PIGG: variants seen among roughly 807,000 people sequenced by gnomAD.
The protein encoded by PIGG is phosphatidylinositol glycan anchor biosynthesis class G (EMM blood group).
A neutral mutation model predicts 83.2 loss-of-function variants in PIGG; 70 were observed. That is an observed-to-expected ratio of 0.84 (90% confidence interval 0.69 to 1.03). The LOEUF is 1.03. Among genes scored for constraint, PIGG ranks in the 50% least tolerant of loss-of-function variants. The pLI, the probability that PIGG is intolerant of heterozygous loss-of-function variation, is 0.00. For missense variants in PIGG, 1,257 were observed against 1,233.6 expected, an observed-to-expected ratio of 1.02 and a Z score of -0.28; for synonymous variants, 532 against 519.5, an observed-to-expected ratio of 1.02 and a Z score of -0.33.
intron 5 of PIGG, among the ~76,000 whole-genome samples, chr4:512,368 C>A (rs760664633): frequency 6.6e-6 from 1 of 151,412 alleles, no homozygotes; most frequent in Non-Finnish European, 1.5e-5. Context: ...TACAGGCACC[C>A]ACCACCACCG....
intron 4 of PIGG, 107 bp from the exon 5 acceptor site, chr4:508,722 A>C: frequency 3.2e-6 from 3 of 943,840 alleles, no homozygotes; most frequent in Non-Finnish European, 4.9e-6. Flanking sequence ...TCATTGAGAA[A>C]GAGCTACAAC....
At chr4:503,575 C>G (rs1718527880) in intron 2 of PIGG, among the ~76,000 whole-genome samples, 1 of 152,190 alleles carries the variant, frequency 6.6e-6, no homozygotes, top group Non-Finnish European at 1.5e-5. Context: ...ACCTCCACAA[C>G]TTTTCAACCT....
At chr4:500,708 T>C (rs880001713) in intron 2 of PIGG, 107 bp downstream of exon 2, 2 of 724,032 alleles carry the variant, frequency 2.8e-6, no homozygotes, top group African/African-American at 1.8e-5. Context: ...AAAGTGGAAA[T>C]TTTGTGCTGT....
intron 2 of PIGG, chr4:501,135 T>G: frequency 2.2e-6 from 1 of 456,280 alleles, no homozygotes; most frequent in Non-Finnish European, 4.4e-6. Flanking sequence ...TTGAAGTACA[T>G]AGTGCATTTC....
chr4:523,748 A>G lies in PIGG; in HGVS notation c.1904A>G (p.Lys635Arg). 1.2e-6 allele frequency: 2 copies of G among 1,614,090 alleles called. No homozygotes were observed. Among genetic ancestry groups the G allele is most frequent in the Non-Finnish European group, 1.7e-6 (2 of 1,180,036 alleles). ...GGCTGTGATGTCCTGGAGCGAGACA[A>G]AGGCCACGGAAGCCCCTCTACCTCC... ...GPGCDVLERD[K>R]GHGSPSTSEV... Residue 635 changes from lysine to arginine, a missense_variant, in exon 9 of 13, where the codon AAA becomes AGA. Lys to Arg is a conservative substitution (Grantham distance 26). Coordinates refer to ENST00000453061, the MANE Select transcript of PIGG (RefSeq NM_001127178.3).
chr4:507,409 A>G lies in PIGG; in HGVS notation c.575A>G (p.Asp192Gly), dbSNP rs782269088. 6.2e-7 allele frequency: 1 copy of G among 1,609,086 alleles called. No homozygotes were observed. Among genetic ancestry groups the G allele is most frequent in the East Asian group, 2.2e-5 (1 of 44,770 alleles). Reference sequence around the variant, plus strand: ...ACGTGTGTTTCCCCTTCAAAGGTGGATAATAATGTCACGAGGCATTTGGAT... The same window carrying G: ...ACGTGTGTTTCCCCTTCAAAGGTGGGTAATAATGTCACGAGGCATTTGGAT... ...SFFVSDYTEV[D>G]NNVTRHLDKV... is the part of the protein sequence containing the mutation. Residue 192 changes from aspartate (D) to glycine (G), a missense_variant, in exon 4 of 13, where the codon GAT becomes GGT. Physicochemically the swap from Asp to Gly is moderately conservative, Grantham distance 94. Coordinates refer to ENST00000453061, the MANE Select transcript of PIGG (RefSeq NM_001127178.3).
rs782046139 is a variant in PIGG at position 499,287 on chromosome 4, G to A, written c.-49G>A. ...GAGCCGGAAGCGCGGCTGCAGCAGG[G>A]CGAGGCTCCAGGTGGGGTCGGTTCC... On this transcript the variant is annotated 5_prime_UTR_variant, in exon 1 of 13. Coordinates refer to ENST00000453061, the MANE Select transcript of PIGG (RefSeq NM_001127178.3). The A allele has an allele frequency of 1.3e-6, 2 of 1,585,210 alleles. No individual in the cohort carries two copies. The highest frequency in any genetic ancestry group is 4.5e-5 in the East Asian group (2 of 44,090).
At chr4:517,861 C>A (rs1167036322) in intron 6 of PIGG, among the ~76,000 whole-genome samples, 5 of 152,202 alleles carry the variant, frequency 3.3e-5, no homozygotes, top group African/African-American at 1.2e-4. Context: ...CAGCCGCGTT[C>A]ATCAAGAATC....
In PIGG at chr4:530,130, G is replaced by A. The variant is rs571437178; in HGVS notation, c.2262-306G>A. ...AAAGCAGGCGGGCCACGAGGGCACC[G>A]CTTGGGTCGTGCCACCAGATGAGCC... On this transcript the variant is annotated intron_variant, in intron 10 of 12. Transcript: ENST00000453061. Among the ~76,000 whole-genome samples the A allele has an allele frequency of 7.2e-5, 11 of 152,250 alleles. No homozygotes were observed. In the East Asian group the frequency reaches 7.7e-4, roughly 11 times the overall value.
At chr4:526,959 G>A (rs984231296) in intron 9 of PIGG, 80 bp from the exon 10 acceptor site, 64 of 1,488,278 alleles carry the variant, frequency 4.3e-5, no homozygotes, top group African/African-American at 8.4e-5. Flanking sequence ...TTTTAATACC[G>A]TTCTTTGAAA....
At position 527,047 on chromosome 4, in the gene PIGG, A is replaced by G. The variant is rs376309515; in HGVS notation, c.2078A>G (p.His693Arg). Residue 693 changes from histidine (H) to arginine (R), a missense_variant, in exon 10 of 13, where the codon CAC (histidine) becomes CGC (arginine). Coordinates refer to ENST00000453061, the MANE Select transcript of PIGG (RefSeq NM_001127178.3). ...TTTCCATCTCATTTCAGCTCTGACC[A>G]CAAAGCCGAGCTCTCTGTCCTGGCT... ...DLGHWLTSSD[H>R]KAELSVLAAL... is the part of the protein sequence containing the mutation. The G allele has an allele frequency of 6.2e-6, 10 of 1,613,990 alleles. No homozygotes were observed. In the African/African-American group the frequency reaches 1.1e-4, roughly 17 times the overall value.
chr4:531,067 C>T (rs1409273007), intron 11 of PIGG: 3 of 289,788 alleles, frequency 1.0e-5, no homozygotes, highest in Non-Finnish European at 1.9e-5. Flanking sequence ...TAATTGTTCT[C>T]GTTCATGCCC....
Position 507,608 on chromosome 4 carries a change from C to A in PIGG, c.759+15C>A. ...TGCAGTCGAAGGTGAGGCTCGCCGT[C>A]GCTCACTGTCTGCTGATGTGGTTTC... is the stretch of plus-strand genomic sequence containing the variant. On this transcript the variant is annotated intron_variant, in intron 4 of 12. Coordinates refer to ENST00000453061, the MANE Select transcript of PIGG (RefSeq NM_001127178.3). 1 of 1,599,470 alleles carries A rather than the reference C, an allele frequency of 6.3e-7. No individual in the cohort carries two copies. Among genetic ancestry groups the A allele is most frequent in the South Asian group, 1.1e-5 (1 of 89,908 alleles).
At chr4:538,379 A>C (rs1228114982) in intron 12 of PIGG, among the ~76,000 whole-genome samples, 2 of 152,140 alleles carry the variant, frequency 1.3e-5, no homozygotes, top group Admixed American at 6.5e-5. Context: ...TTGCTCAGCA[A>C]ACCCCGCTGG....
chr4:507,611 T>C lies in PIGG; in HGVS notation c.759+18T>C, dbSNP rs1720201807. On this transcript the variant is annotated intron_variant, in intron 4 of 12. Transcript: ENST00000453061. ...AGTCGAAGGTGAGGCTCGCCGTCGC[T>C]CACTGTCTGCTGATGTGGTTTCACG... 1 of 1,597,500 alleles carries C rather than the reference T, an allele frequency of 6.3e-7. No homozygotes were observed. The highest frequency in any genetic ancestry group is 1.7e-5 in the Admixed American group (1 of 58,680).
chr4:534,038 G>A, intron 12 of PIGG, 57 bp downstream of exon 12: 2 of 1,525,530 alleles, frequency 1.3e-6, no homozygotes, highest in Non-Finnish European at 1.8e-6. Flanking sequence ...TGGTTTTAAG[G>A]GTCGTACTTT....
chr4:510,935 G>A (rs567189798), intron 5 of PIGG, among the ~76,000 whole-genome samples: 6 of 151,910 alleles, frequency 3.9e-5, no homozygotes, highest in African/African-American at 1.4e-4. Flanking sequence ...ATATGGTCTC[G>A]TGTGCCTGGC....
intron 5 of PIGG, among the ~76,000 whole-genome samples, chr4:509,586 G>T (rs1721179062): frequency 6.6e-6 from 1 of 152,176 alleles, no homozygotes. Flanking sequence ...GGTAATTTCT[G>T]CCGTCAGGCA....
intron 12 of PIGG, among the ~76,000 whole-genome samples, chr4:535,175 A>C (rs1036512891): frequency 6.6e-6 from 1 of 152,056 alleles, no homozygotes; most frequent in Non-Finnish European, 1.5e-5. Context: ...GTACCTCCCA[A>C]CTTGGTCTGG....
Sources: gnomAD v4.1 joint callset for allele counts (sites outside exome capture counted in the v4.1 genomes callset) on GRCh38, gnomAD v4.1.1 for gene constraint, MANE v1.5 for transcripts, NCBI Gene and HGNC (gene_info 2026-07-23, HGNC 2026-07-21) for gene names.